The following USP43 variants were observed in gnomAD, a reference collection of about 807,000 sequenced individuals.
The protein encoded by USP43 is ubiquitin carboxyl-terminal hydrolase 43.
In USP43, 33 loss-of-function variants were observed where a neutral mutation model predicts 90.7. That is an observed-to-expected ratio of 0.36 (90% CI 0.28 to 0.49). The LOEUF is 0.49. Ranked by LOEUF, USP43 falls within the 20% of genes least tolerant of loss-of-function variation. The probability of loss-of-function intolerance (pLI) is 0.98; values close to 1 mark genes in which losing one functional copy is unlikely to be tolerated. For missense variants in USP43, 1,274 were observed against 1,476.4 expected, an observed-to-expected ratio of 0.86 and a Z score of 2.25; for synonymous variants, 598 against 615.8, an observed-to-expected ratio of 0.97 and a Z score of 0.43.
chr17:9,664,719 G>A (rs1019309475), intron 2 of USP43, among the ~76,000 whole-genome samples: 1 of 149,108 alleles, frequency 6.7e-6, no homozygotes, highest in African/African-American at 2.5e-5. Flanking sequence ...CTCACTTTAA[G>A]CTCCGCCTCC....
intron 12 of USP43, among the ~76,000 whole-genome samples, chr17:9,707,720 C>T (rs114464384): frequency 1.7e-4 from 25 of 151,326 alleles, no homozygotes; most frequent in African/African-American, 5.3e-4. Context: ...CACTGATTAC[C>T]AGTGTCCCGA....
intron 2 of USP43, among the ~76,000 whole-genome samples, chr17:9,663,259 AG>A (rs1433575954): frequency 6.6e-6 from 1 of 151,436 alleles, no homozygotes; most frequent in African/African-American, 2.4e-5. Context: ...AGAGCAGTCG[AG>A]TAACTTGTAG....
chr17:9,700,049 G>A (rs1915481017), intron 9 of USP43, 123 bp from the exon 10 acceptor site: 3 of 915,956 alleles, frequency 3.3e-6, no homozygotes, highest in South Asian at 3.6e-5. Context: ...TGGCTTACTG[G>A]CAGTTTTGGG....
In USP43 at chr17:9,712,141, G is replaced by T. The variant is rs756370532; in HGVS notation, c.2335+9G>T. ...CTGCAATCAGGAAAAGGGTATGTTGGTTAAATGTGCTTGGTTGATTTTCAT... is the reference window on the plus strand; with the variant it reads ...CTGCAATCAGGAAAAGGGTATGTTGTTTAAATGTGCTTGGTTGATTTTCAT... On this transcript the variant is annotated intron_variant, in intron 14 of 14. Coordinates refer to ENST00000285199, the MANE Select transcript of USP43 (RefSeq NM_153210.5). The T allele has an allele frequency of 1.4e-5, 21 of 1,552,976 alleles. No homozygotes were observed. The highest frequency in any genetic ancestry group is 1.8e-5 in the Non-Finnish European group (21 of 1,146,306).
At chr17:9,722,694 A>C (rs1917031657) in intron 14 of USP43, among the ~76,000 whole-genome samples, 1 of 152,068 alleles carries the variant, frequency 6.6e-6, no homozygotes, top group African/African-American at 2.4e-5. Flanking sequence ...CCTTCCTCCA[A>C]TCAGATGAGA....
At chr17:9,675,599 G>T (rs1185200250) in intron 4 of USP43, among the ~76,000 whole-genome samples, 1 of 152,012 alleles carries the variant, frequency 6.6e-6, no homozygotes, top group Non-Finnish European at 1.5e-5. Context: ...TGGAAGAGAG[G>T]TATTTCCTCT....
chr17:9,682,081 G>C lies in USP43; in HGVS notation c.1106-742G>C, dbSNP rs773399505. 4.8e-4 allele frequency among the ~76,000 whole-genome samples: 73 copies of C among 152,146 alleles called. 2 individuals are homozygous for C. Among genetic ancestry groups the C allele is most frequent in the Non-Finnish European group, 1.5e-4 (10 of 68,030 alleles). ...ATTTCAGAACTGATTGCAAATGGAGGCTAGTCCAATTCCTCTACTTCCTCA... is the reference window on the plus strand; with the variant it reads ...ATTTCAGAACTGATTGCAAATGGAGCCTAGTCCAATTCCTCTACTTCCTCA... On this transcript the variant is annotated intron_variant, in intron 6 of 14. Transcript: ENST00000285199.
intron 14 of USP43, among the ~76,000 whole-genome samples, chr17:9,718,217 C>T (rs1916714812): frequency 6.6e-6 from 1 of 152,102 alleles, no homozygotes; most frequent in South Asian, 2.1e-4. Flanking sequence ...ATCAATTAGT[C>T]TACGGGAAAA....
chr17:9,670,134 G>A (rs181268433), intron 3 of USP43, among the ~76,000 whole-genome samples: 11 of 151,628 alleles, frequency 7.3e-5, no homozygotes, highest in African/African-American at 2.2e-4. Flanking sequence ...TGCTTCCCAG[G>A]TTCAAGCCAT....
intron 4 of USP43, among the ~76,000 whole-genome samples, chr17:9,675,990 G>A (rs1198527196): frequency 1.3e-5 from 2 of 152,124 alleles, no homozygotes; most frequent in Non-Finnish European, 2.9e-5. Flanking sequence ...AGTTATTGGA[G>A]TACAGATCAA....
At chr17:9,648,156 A>G (rs528361311) in intron 1 of USP43, among the ~76,000 whole-genome samples, 2 of 152,378 alleles carry the variant, frequency 1.3e-5, no homozygotes, top group South Asian at 2.1e-4. Flanking sequence ...AGGGAATTGA[A>G]GGATAATCAA....
chr17:9,712,077 G>A lies in USP43; in HGVS notation c.2280G>A (p.Leu760=), dbSNP rs371399252. Residue 760 remains leucine (L), a synonymous_variant, in exon 14 of 15, where the codon CTG becomes CTA. Transcript: ENST00000285199. ...LSWSSAPCPS[L]PQVPDSPIFT... ...GGAGCTCTGCCCCCTGCCCCTCCCT[G>A]CCCCAGGTTCCTGACTCTCCCATCT... 2.5e-6 allele frequency: 4 copies of A among 1,610,464 alleles called. No individual in the cohort carries two copies. The highest frequency in any genetic ancestry group is 3.4e-6 in the Non-Finnish European group (4 of 1,178,038).
intron 3 of USP43, among the ~76,000 whole-genome samples, chr17:9,673,976 T>A (rs1189686239): frequency 6.6e-6 from 1 of 152,168 alleles, no homozygotes; most frequent in Non-Finnish European, 1.5e-5. Context: ...ACTAGGGTCA[T>A]CTGGGGAGCT....
chr17:9,724,668 G>A (rs1286683696), intron 14 of USP43, among the ~76,000 whole-genome samples: 3 of 152,210 alleles, frequency 2.0e-5, no homozygotes, highest in South Asian at 2.1e-4. Flanking sequence ...GGACAAGAGC[G>A]AGACTCTGTC....
At chr17:9,681,720 C>T (rs139331819) in intron 6 of USP43, among the ~76,000 whole-genome samples, 7 of 151,482 alleles carry the variant, frequency 4.6e-5, no homozygotes, top group Non-Finnish European at 1.0e-4. Flanking sequence ...TCTCGAACTC[C>T]TAACCTCAGG....
chr17:9,654,992 C>T (rs750461046), intron 1 of USP43, among the ~76,000 whole-genome samples: 1 of 151,434 alleles, frequency 6.6e-6, no homozygotes, highest in Non-Finnish European at 1.5e-5. Flanking sequence ...TCCGCCTCGG[C>T]CTCCCAAATT....
chr17:9,688,903 G>A (rs1228581196), intron 8 of USP43, among the ~76,000 whole-genome samples: 1 of 151,860 alleles, frequency 6.6e-6, no homozygotes, highest in African/African-American at 2.4e-5. Flanking sequence ...TGCCTAGAGT[G>A]ATCTTGAACT....
At chr17:9,669,667 G>A (rs909361585) in intron 3 of USP43, 3 of 152,246 alleles carry the variant, frequency 2.0e-5, no homozygotes, top group Non-Finnish European at 4.4e-5. Context: ...GGGAGGCGGG[G>A]AAGTGGCCCA....
At chr17:9,663,611 G>T (rs1567650687) in intron 2 of USP43, among the ~76,000 whole-genome samples, 1 of 150,438 alleles carries the variant, frequency 6.6e-6, no homozygotes, top group Admixed American at 6.7e-5. Context: ...CATTCTTTTT[G>T]TTTGTTTGTT....
Sources: allele counts gnomAD v4.1 joint callset (sites outside exome capture counted in the v4.1 genomes callset), GRCh38; gene constraint gnomAD v4.1.1; transcripts MANE v1.5; gene names NCBI Gene and HGNC (gene_info 2026-07-23, HGNC 2026-07-21).